The following LAMC2 variants were observed in gnomAD, a reference collection of about 807,000 sequenced individuals.
LAMC2 encodes the protein laminin subunit gamma 2.
A neutral mutation model predicts 140.2 loss-of-function variants in LAMC2; 97 were observed. That is an observed-to-expected ratio of 0.69 (90% confidence interval 0.59 to 0.82). The LOEUF is 0.82. Among genes scored for constraint, LAMC2 ranks in the 40% least tolerant of loss-of-function variants. The pLI is 0.00. For synonymous variants in LAMC2, 513 were observed against 540.2 expected (o/e 0.95, Z 0.70); for missense variants, 1,402 against 1,476.1 (o/e 0.95, Z 0.82).
At chr1:183,192,222 T>C (rs761978450) in intron 1 of LAMC2, among the ~76,000 whole-genome samples, 9 of 152,148 alleles carry the variant, frequency 5.9e-5, no homozygotes, top group African/African-American at 9.7e-5. Flanking sequence ...CGTATAGGGA[T>C]CCTGCACTTA....
At position 183,232,248 on chromosome 1, in the gene LAMC2, G is replaced by T; in HGVS notation, c.1919G>T (p.Gly640Val). 1 of 1,614,062 alleles carries T rather than the reference G, an allele frequency of 6.2e-7. No homozygotes were observed. The highest frequency in any genetic ancestry group is 8.5e-7 in the Non-Finnish European group (1 of 1,180,026). Residue 640 changes from glycine (G) to valine (V), a missense_variant, in exon 13 of 23, where the codon GGT becomes GTT. Coordinates refer to ENST00000264144, the MANE Select transcript of LAMC2 (RefSeq NM_005562.3). ...GCCCTGATTTCAAAGGCTCAGGGTG[G>T]TGATGGAGTAGTACCTGATACAGAG... ...MEALISKAQG[G>V]DGVVPDTELE... is the part of the protein sequence containing the mutation.
At position 183,220,941 on chromosome 1, in the gene LAMC2, T is replaced by C. The variant is rs763532446; in HGVS notation, c.620T>C (p.Ile207Thr). ...TCTGCAGAATACAGTGTCCATAAGATCACCTCTACCTTTCATCAAGGTAAA... is the reference window on the plus strand; with the variant it reads ...TCTGCAGAATACAGTGTCCATAAGACCACCTCTACCTTTCATCAAGGTAAA... ...RSSAEYSVHK[I>T]TSTFHQDVDG... is the part of the protein sequence containing the mutation. The change falls in exon 5 of 23, where the codon ATC (isoleucine) becomes ACC (threonine). Residue 207 changes from isoleucine (I) to threonine (T), a missense_variant. Physicochemically the swap from Ile to Thr is moderately conservative, Grantham distance 89. Transcript: ENST00000264144. 28 of 1,614,108 alleles carry C rather than the reference T, an allele frequency of 1.7e-5. No homozygotes were observed. The highest frequency in any genetic ancestry group is 2.7e-5 in the African/African-American group (2 of 74,942).
chr1:183,237,971 C>G lies in LAMC2; in HGVS notation c.2755-336C>G, dbSNP rs4651151. On this transcript the variant is annotated intron_variant, in intron 18 of 22. Coordinates refer to ENST00000264144, the MANE Select transcript of LAMC2 (RefSeq NM_005562.3). Reference sequence around the variant, plus strand: ...TGTGATTAGCTCAGTTCCACCCAGTCGGTCAGCCCTCAAACCTAGGAATAG... The same window carrying G: ...TGTGATTAGCTCAGTTCCACCCAGTGGGTCAGCCCTCAAACCTAGGAATAG... Among the ~76,000 whole-genome samples the G allele has an allele frequency of 0.3, 45,493 of 152,036 alleles. 8,665 individuals are homozygous for G. The highest frequency in any genetic ancestry group is 0.53 in the African/African-American group (22,023 of 41,442).
intron 2 of LAMC2, among the ~76,000 whole-genome samples, chr1:183,210,466 A>G (rs1293655994): frequency 6.6e-6 from 1 of 152,230 alleles, no homozygotes; most frequent in Non-Finnish European, 1.5e-5. Flanking sequence ...TTATTAAGAC[A>G]GTGGGGAAAC....
intron 11 of LAMC2, among the ~76,000 whole-genome samples, chr1:183,230,750 T>C (rs1217332966): frequency 6.6e-6 from 1 of 152,104 alleles, no homozygotes; most frequent in Non-Finnish European, 1.5e-5. Flanking sequence ...GGAAAATGAG[T>C]GCTGCCAGAA....
At chr1:183,198,433 G>A (rs1054089666) in intron 1 of LAMC2, among the ~76,000 whole-genome samples, 6 of 152,086 alleles carry the variant, frequency 3.9e-5, no homozygotes, top group East Asian at 1.9e-4. Context: ...GTGAGCCACC[G>A]TGCCGGGCTG....
rs1167077893 is a variant in LAMC2 at position 183,239,496 on chromosome 1, CTG to C, written c.3003_3004del (p.Ala1002Ter). ...GCAGAAAGAGCCCTGGGGAGCGCTG[CTG>C]CTGATGCACAGAGGGCAAAGAATGG... On this transcript the variant is annotated frameshift_variant, in exon 20 of 23. Coordinates refer to ENST00000264144, the MANE Select transcript of LAMC2 (RefSeq NM_005562.3). LOFTEE classifies it high-confidence loss of function. 6.2e-7 allele frequency: 1 copy of C among 1,613,738 alleles called. No homozygotes were observed. The highest frequency in any genetic ancestry group is 2.2e-5 in the East Asian group (1 of 44,894).
At chr1:183,195,525 C>G (rs1444698300) in intron 1 of LAMC2, among the ~76,000 whole-genome samples, 7 of 152,194 alleles carry the variant, frequency 4.6e-5, no homozygotes, top group African/African-American at 1.4e-4. Flanking sequence ...CTCAGCCTTA[C>G]TCACATTGCT....
At position 183,218,491 on chromosome 1, in the gene LAMC2, C is replaced by T. The variant is rs1571521391; in HGVS notation, c.503+3C>T. 4 of 1,607,822 alleles carry T rather than the reference C, an allele frequency of 2.5e-6. No individual in the cohort carries two copies. Among genetic ancestry groups the T allele is most frequent in the Non-Finnish European group, 2.6e-6 (3 of 1,174,814 alleles). ...GTCACTGGAGAACGCTGTGATAGGT[C>T]TGTGTGAACCGTGGCCCTACAAACA... On this transcript the variant is annotated splice_donor_region_variant and intron_variant, in intron 4 of 22. Transcript: ENST00000264144.
chr1:183,207,768 C>T (rs903325804), intron 1 of LAMC2, 113 bp from the exon 2 acceptor site: 1 of 925,914 alleles, frequency 1.1e-6, no homozygotes, highest in Non-Finnish European at 1.7e-6. Flanking sequence ...TGTAGGTTAC[C>T]ATATAGTACT....
chr1:183,240,211 T>C lies in LAMC2; in HGVS notation c.3228+13T>C. On this transcript the variant is annotated intron_variant, in intron 21 of 22. Coordinates refer to ENST00000264144, the MANE Select transcript of LAMC2 (RefSeq NM_005562.3). ...TGCAGTACAGATGGTGAGTTCCTGT[T>C]GCTTTCCACGGGAGATCCCTTTCAA... The C allele has an allele frequency of 1.9e-6, 3 of 1,614,244 alleles. No homozygotes were observed. Among genetic ancestry groups the C allele is most frequent in the Non-Finnish European group, 2.5e-6 (3 of 1,180,044 alleles).
chr1:183,187,160 T>C (rs577908100), intron 1 of LAMC2, among the ~76,000 whole-genome samples: 2 of 152,356 alleles, frequency 1.3e-5, no homozygotes, highest in South Asian at 4.1e-4. Flanking sequence ...TATGGATATA[T>C]GCCTGTATAA....
At position 183,186,358 on chromosome 1, in the gene LAMC2, T is replaced by C; in HGVS notation, c.6T>C (p.Pro2=). 6.2e-7 allele frequency: 1 copy of C among 1,601,354 alleles called. No homozygotes were observed. The change falls in exon 1 of 23, where the codon CCT becomes CCC. Residue 2 remains proline, a synonymous_variant. Transcript: ENST00000264144. M[P]ALWLGCCLCF... is the part of the protein sequence containing the mutation. ...CTGAGCGGCCCGGCCCCGCCATGCC[T>C]GCGCTCTGGCTGGGCTGCTGCCTCT...
chr1:183,194,302 A>G (rs1291354526), intron 1 of LAMC2, among the ~76,000 whole-genome samples: 1 of 151,972 alleles, frequency 6.6e-6, no homozygotes, highest in Non-Finnish European at 1.5e-5. Flanking sequence ...CACGCCATGC[A>G]TATTTTCCCA....
At chr1:183,256,774 CT>C in the LAMC2 span, among the ~76,000 whole-genome samples, 35 of 151,370 alleles carry the variant, frequency 2.3e-4, no homozygotes, top group Non-Finnish European at 3.8e-4. Flanking sequence ...CTTGTGGTGT[CT>C]TTTTTTTTCT....
chr1:183,237,593 C>G, intron 18 of LAMC2, 89 bp downstream of exon 18: 1 of 1,277,066 alleles, frequency 7.8e-7, no homozygotes, highest in African/African-American at 1.5e-5. Context: ...ATCAAAAGCT[C>G]TCTGACCAGG....
chr1:183,248,092 C>T (rs972398383), downstream of LAMC2: 2 of 152,278 alleles, frequency 1.3e-5, no homozygotes, highest in Non-Finnish European at 2.9e-5. Context: ...TTTTATATAA[C>T]ACATGTGGCA....
intron 7 of LAMC2, among the ~76,000 whole-genome samples, chr1:183,223,633 G>A (rs1255364439): frequency 6.6e-6 from 1 of 152,168 alleles, no homozygotes; most frequent in African/African-American, 2.4e-5. Flanking sequence ...GAATGATGAA[G>A]GAAAGCTTCC....
chr1:183,227,473 C>T (rs1659660164), intron 9 of LAMC2, 42 bp from the exon 10 acceptor site: 2 of 1,541,846 alleles, frequency 1.3e-6, no homozygotes, highest in Admixed American at 3.3e-5. Context: ...ATTGTCTGAC[C>T]CTGCTCACTT....
Sources: allele counts gnomAD v4.1 joint callset (sites outside exome capture counted in the v4.1 genomes callset), GRCh38; gene constraint gnomAD v4.1.1; transcripts MANE v1.5; gene names NCBI Gene and HGNC (gene_info 2026-07-23, HGNC 2026-07-21).